Variants in EPHB1 observed in about 807,000 individuals in gnomAD.
EPHB1 encodes ephrin type-B receptor 1.
EPHB1 carries 30 observed loss-of-function variants against 94.4 expected under a neutral mutation model. The observed-to-expected ratio is 0.32, with a 90% CI of 0.24 to 0.43. The LOEUF is 0.43. EPHB1 is among the 20% of genes least tolerant of loss of function. The pLI is 1.00. For missense variants in EPHB1, 1,055 were observed against 1,308.3 expected, an observed-to-expected ratio of 0.81 and a Z score of 2.99; for synonymous variants, 522 against 489.1, an observed-to-expected ratio of 1.07 and a Z score of -0.89.
chr3:135,031,866 A>G (rs1936485148), intron 3 of EPHB1, among the ~76,000 whole-genome samples: 1 of 152,048 alleles, frequency 6.6e-6, no homozygotes, highest in African/African-American at 2.4e-5. Flanking sequence ...TTGGCTGGGT[A>G]TGATGTCTAA....
At chr3:134,954,062 T>G (rs58101610) in intron 3 of EPHB1, among the ~76,000 whole-genome samples, 1 of 152,082 alleles carries the variant, frequency 6.6e-6, no homozygotes, top group African/African-American at 2.4e-5. Flanking sequence ...TCACTTTGCC[T>G]CTTCAGAGGC....
At chr3:134,875,561 T>C (rs903799290) in intron 1 of EPHB1, among the ~76,000 whole-genome samples, 2 of 152,136 alleles carry the variant, frequency 1.3e-5, no homozygotes, top group Non-Finnish European at 2.9e-5. Context: ...TCCACATTAA[T>C]GGTGCCATGG....
At chr3:135,121,561 T>C (rs900655040) in intron 4 of EPHB1, among the ~76,000 whole-genome samples, 8 of 152,144 alleles carry the variant, frequency 5.3e-5, no homozygotes, top group Non-Finnish European at 1.2e-4. Flanking sequence ...TGACAGCAAA[T>C]GCCTTGGAGC....
intron 3 of EPHB1, among the ~76,000 whole-genome samples, chr3:135,066,517 C>A (rs553556953): frequency 6.6e-6 from 1 of 152,312 alleles, no homozygotes; most frequent in South Asian, 2.1e-4. Flanking sequence ...TTTTGCATTT[C>A]TATAAGTGTG....
intron 3 of EPHB1, among the ~76,000 whole-genome samples, chr3:135,047,931 G>A (rs1402925441): frequency 1.3e-5 from 2 of 152,200 alleles, no homozygotes; most frequent in Admixed American, 6.5e-5. Flanking sequence ...GACCCCAAAT[G>A]TCAATAGTGT....
intron 1 of EPHB1, among the ~76,000 whole-genome samples, chr3:134,806,078 A>G (rs2036037334): frequency 6.6e-6 from 1 of 152,222 alleles, no homozygotes; most frequent in African/African-American, 2.4e-5. Flanking sequence ...AAGATCAACA[A>G]ACACTTAAAA....
intron 3 of EPHB1, among the ~76,000 whole-genome samples, chr3:135,001,678 C>T (rs1160790707): frequency 6.6e-6 from 1 of 152,186 alleles, no homozygotes; most frequent in Non-Finnish European, 1.5e-5. Context: ...GGCATGCACT[C>T]AGTTCTTCCC....
intron 12 of EPHB1, among the ~76,000 whole-genome samples, chr3:135,217,424 CCACACACACA>C (rs200312241): frequency 0.018 from 2,581 of 143,350 alleles, 45 homozygotes; most frequent in South Asian, 0.055. Context: ...CCCATCAGTA[CCACACACACA>C]CACACACACA....
At chr3:135,242,210 T>C (rs1360696541) in intron 13 of EPHB1, among the ~76,000 whole-genome samples, 1 of 152,134 alleles carries the variant, frequency 6.6e-6, no homozygotes, top group Admixed American at 6.5e-5. Context: ...GCTGAGAGGA[T>C]TACAATTTGC....
chr3:134,860,482 A>G (rs557760555), intron 1 of EPHB1, among the ~76,000 whole-genome samples: 1 of 152,260 alleles, frequency 6.6e-6, no homozygotes, highest in African/African-American at 2.4e-5. Context: ...CTTCCACCCT[A>G]ACACTGGCAT....
At chr3:135,218,784 A>C (rs932573738) in intron 12 of EPHB1, among the ~76,000 whole-genome samples, 9 of 152,286 alleles carry the variant, frequency 5.9e-5, no homozygotes, top group Non-Finnish European at 1.3e-4. Flanking sequence ...GACATTAAAC[A>C]ACTAATTATG....
At chr3:134,891,955 C>T (rs2037992379) in intron 1 of EPHB1, among the ~76,000 whole-genome samples, 1 of 152,242 alleles carries the variant, frequency 6.6e-6, no homozygotes, top group South Asian at 2.1e-4. Flanking sequence ...CAGCCTCCTA[C>T]TGTAGCTCAT....
At chr3:134,953,371 TTGGTCC>T in intron 3 of EPHB1, among the ~76,000 whole-genome samples, 1 of 152,396 alleles carries the variant, frequency 6.6e-6, no homozygotes, top group East Asian at 1.9e-4. Flanking sequence ...ATTGGATTTC[TTGGTCC>T]TGGTACCCAT....
At chr3:135,030,091 T>C (rs1423509998) in intron 3 of EPHB1, among the ~76,000 whole-genome samples, 1 of 151,500 alleles carries the variant, frequency 6.6e-6, no homozygotes, top group Non-Finnish European at 1.5e-5. Context: ...CTTTAAGCAC[T>C]TCTCTGTATT....
At chr3:134,936,485 G>A (rs963218416) in intron 2 of EPHB1, among the ~76,000 whole-genome samples, 1 of 152,160 alleles carries the variant, frequency 6.6e-6, no homozygotes, top group Non-Finnish European at 1.5e-5. Context: ...AGTGAAAATT[G>A]CTGGGAAGGG....
chr3:135,210,312 T>TTATA (rs760543717), intron 12 of EPHB1, among the ~76,000 whole-genome samples: 4 of 152,296 alleles, frequency 2.6e-5, no homozygotes, highest in Non-Finnish European at 4.4e-5. Context: ...ATTTTGACTT[T>TTATA]TATATGTCTA....
chr3:135,126,166 G>GT (rs1157529769), intron 4 of EPHB1, among the ~76,000 whole-genome samples: 46 of 152,230 alleles, frequency 3.0e-4, no homozygotes, highest in African/African-American at 1.0e-3. Flanking sequence ...ATATTGAAGA[G>GT]TGCTAAAGTT....
At chr3:134,905,038 G>C (rs953182959) in intron 1 of EPHB1, among the ~76,000 whole-genome samples, 18 of 152,214 alleles carry the variant, frequency 1.2e-4, no homozygotes, top group African/African-American at 4.3e-4. Flanking sequence ...AATGGGGCAT[G>C]ATTCCACAGC....
chr3:134,959,799 G>T (rs73214125), intron 3 of EPHB1, among the ~76,000 whole-genome samples: 2,884 of 152,168 alleles, frequency 0.019, 48 homozygotes, highest in South Asian at 0.032. Flanking sequence ...CTGTGGACTG[G>T]GGGATTGTGT....
Sources: allele counts gnomAD v4.1 joint callset (sites outside exome capture counted in the v4.1 genomes callset), GRCh38; gene constraint gnomAD v4.1.1; transcripts MANE v1.5; gene names NCBI Gene and HGNC (gene_info 2026-07-23, HGNC 2026-07-21).